Variants in STAG1 observed in about 807,000 individuals in gnomAD.
STAG1 encodes STAG1 cohesin complex component.
A neutral mutation model predicts 170.9 loss-of-function variants in STAG1; 26 were observed. The ratio of observed to expected loss-of-function variants is 0.15; its 90% CI spans 0.11 to 0.21. STAG1 has a LOEUF of 0.21. STAG1 is among the 10% of genes least tolerant of loss of function. STAG1 has a pLI of 1.00. For synonymous variants in STAG1, 514 were observed against 497.7 expected (o/e 1.03, Z -0.44); for missense variants, 964 against 1,509.5 (o/e 0.64, Z 5.99).
intron 1 of STAG1, among the ~76,000 whole-genome samples, chr3:136,729,074 T>C (rs568226166): frequency 4.9e-4 from 75 of 152,300 alleles, no homozygotes; most frequent in Non-Finnish European, 3.2e-4. Context: ...TCTGCCTCCC[T>C]GGCTCAAGGG....
chr3:136,396,960 G>C (rs1223578843), intron 22 of STAG1, among the ~76,000 whole-genome samples: 1 of 151,956 alleles, frequency 6.6e-6, no homozygotes, highest in Non-Finnish European at 1.5e-5. Flanking sequence ...TAATGAAAAA[G>C]AATTTAAAAA....
intron 10 of STAG1, among the ~76,000 whole-genome samples, chr3:136,475,183 G>A (rs1366378041): frequency 1.9e-5 from 2 of 102,840 alleles, no homozygotes; most frequent in South Asian, 3.3e-4. Context: ...TCTTGCTCTT[G>A]TCACCCAGGC....
chr3:136,425,720 GTA>G (rs922773009), intron 16 of STAG1, among the ~76,000 whole-genome samples: 7 of 148,900 alleles, frequency 4.7e-5, no homozygotes, highest in Admixed American at 4.0e-4. Context: ...TTATATATAT[GTA>G]TATATATAAA....
chr3:136,617,959 T>A (rs1939671241), intron 3 of STAG1, among the ~76,000 whole-genome samples: 2 of 152,244 alleles, frequency 1.3e-5, no homozygotes, highest in Non-Finnish European at 2.9e-5. Flanking sequence ...CTGGTACTCA[T>A]TAATCTTTTG....
chr3:136,355,351 T>TAA (rs370605205), intron 28 of STAG1, among the ~76,000 whole-genome samples: 1,292 of 30,032 alleles, frequency 0.043, 98 homozygotes, highest in Middle Eastern at 0.094. Context: ...GACTCCATCT[T>TAA]AAAAAAAAAA....
intron 4 of STAG1, among the ~76,000 whole-genome samples, chr3:136,591,011 C>G (rs1938138667): frequency 6.6e-6 from 1 of 150,972 alleles, no homozygotes; most frequent in Non-Finnish European, 1.5e-5. Flanking sequence ...TTTGCATAAT[C>G]TGACTGAAAT....
intron 9 of STAG1, among the ~76,000 whole-genome samples, chr3:136,478,271 C>T (rs752599144): frequency 6.6e-6 from 1 of 152,116 alleles, no homozygotes; most frequent in Non-Finnish European, 1.5e-5. Flanking sequence ...GGCAGAACAA[C>T]CCGAAAAGTC....
At chr3:136,498,306 C>T (rs1427487820) in intron 9 of STAG1, among the ~76,000 whole-genome samples, 9 of 138,172 alleles carry the variant, frequency 6.5e-5, no homozygotes, top group African/African-American at 1.4e-4. Flanking sequence ...CACACACACA[C>T]ATATATATAC....
At chr3:136,380,169 T>C (rs570838142) in intron 22 of STAG1, among the ~76,000 whole-genome samples, 178 of 152,240 alleles carry the variant, frequency 1.2e-3, no homozygotes, top group African/African-American at 3.9e-3. Context: ...GATTCAAACG[T>C]GGGGCTGTCT....
intron 1 of STAG1, among the ~76,000 whole-genome samples, chr3:136,662,312 C>T (rs1350402781): frequency 6.6e-6 from 1 of 151,978 alleles, no homozygotes; most frequent in Non-Finnish European, 1.5e-5. Context: ...CCACCATGCT[C>T]ACCAAATTTT....
Position 136,338,192 on chromosome 3 carries a change from A to G in STAG1, c.*62T>C, listed in dbSNP as rs1465008984. On this transcript the variant is annotated 3_prime_UTR_variant, in exon 34 of 34. Transcript: ENST00000383202. ...AGTGTTTTTCCCCATACAAGCTATC[A>G]CAGTATATAGGCCTCTAGCTCTAAA... 1 of 1,125,474 alleles carries G rather than the reference A, an allele frequency of 8.9e-7. No individual in the cohort carries two copies. Among genetic ancestry groups the G allele is most frequent in the Non-Finnish European group, 1.3e-6 (1 of 753,012 alleles). The allele number at this position is 1,125,474 out of a possible 1,614,324, so 69.7% of individuals were successfully genotyped here.
intron 19 of STAG1, among the ~76,000 whole-genome samples, chr3:136,422,070 C>T (rs141173920): frequency 0.02 from 2,981 of 151,234 alleles, 36 homozygotes; most frequent in Non-Finnish European, 0.032. Context: ...TCACTTGAAC[C>T]TGGGAGGCGG....
At chr3:136,386,791 A>C (rs1006875383) in intron 22 of STAG1, among the ~76,000 whole-genome samples, 1 of 152,106 alleles carries the variant, frequency 6.6e-6, no homozygotes, top group Non-Finnish European at 1.5e-5. Context: ...GACCAAATTT[A>C]GTTGCGTTTT....
At chr3:136,467,603 G>C (rs150075751) in intron 12 of STAG1, among the ~76,000 whole-genome samples, 3,019 of 152,172 alleles carry the variant, frequency 0.02, 102 homozygotes, top group African/African-American at 0.069. Flanking sequence ...AGATCGATGA[G>C]ACAGAAAGTT....
At chr3:136,507,851 C>A (rs1053620127) in intron 7 of STAG1, among the ~76,000 whole-genome samples, 1 of 151,786 alleles carries the variant, frequency 6.6e-6, no homozygotes, top group Non-Finnish European at 1.5e-5. Flanking sequence ...CTAAAATCAC[C>A]AGGACAATGT....
At chr3:136,376,016 C>CTAACAAAATAAAAT (rs1937588891) in intron 23 of STAG1, among the ~76,000 whole-genome samples, 1 of 115,542 alleles carries the variant, frequency 8.7e-6, no homozygotes, top group East Asian at 3.5e-4. Flanking sequence ...AAATAATTAA[C>CTAACAAAATAAAAT]AAAATAAAAT....
At chr3:136,412,707 T>TATA (rs2087660579) in intron 21 of STAG1, among the ~76,000 whole-genome samples, 1 of 152,160 alleles carries the variant, frequency 6.6e-6, no homozygotes, top group Non-Finnish European at 1.5e-5. Flanking sequence ...ATAACTAGTC[T>TATA]ATACTCTTCA....
chr3:136,359,307 G>GAA lies in STAG1; in HGVS notation c.2788-13_2788-12dup, dbSNP rs1936768631. On this transcript the variant is annotated splice_polypyrimidine_tract_variant and intron_variant, in intron 26 of 33. Transcript: ENST00000383202. Reference sequence around the variant, plus strand: ...AAGTTCATTAAATAACTGATAGAAAGAAAAAAAGAAGAAAAAACCTATAGC... The same window carrying GAA: ...AAGTTCATTAAATAACTGATAGAAAGAAAAAAAAAGAAGAAAAAACCTATAGC... 5.9e-6 allele frequency: 9 copies of GAA among 1,536,510 alleles called. No individual in the cohort carries two copies. In the Admixed American group the frequency reaches 1.3e-4, roughly 22 times the overall value.
intron 4 of STAG1, among the ~76,000 whole-genome samples, chr3:136,602,156 G>A (rs756607732): frequency 8.6e-5 from 13 of 151,948 alleles, no homozygotes; most frequent in African/African-American, 3.1e-4. Flanking sequence ...CGAGGTGGGC[G>A]GATCACGAGG....
Sources: allele counts gnomAD v4.1 joint callset (sites outside exome capture counted in the v4.1 genomes callset), GRCh38; gene constraint gnomAD v4.1.1; transcripts MANE v1.5; gene names NCBI Gene and HGNC (gene_info 2026-07-23, HGNC 2026-07-21).